The following HSDL2 variants were observed in gnomAD, a reference collection of about 807,000 sequenced individuals.
HSDL2 encodes hydroxysteroid dehydrogenase-like protein 2.
HSDL2 carries 27 observed loss-of-function variants against 46.3 expected under a neutral mutation model. That is an observed-to-expected ratio of 0.58 (90% CI 0.43 to 0.80). HSDL2 has a LOEUF of 0.80. HSDL2 is among the 30% of genes least tolerant of loss of function. The pLI, the probability that HSDL2 is intolerant of heterozygous loss-of-function variation, is 0.00. For missense variants in HSDL2, 451 were observed against 502.7 expected, an observed-to-expected ratio of 0.90 and a Z score of 0.98; for synonymous variants, 153 against 163.6, an observed-to-expected ratio of 0.94 and a Z score of 0.50.
Position 112,454,759 on chromosome 9 carries a change from G to A in HSDL2, c.1015+597G>A, listed in dbSNP as rs895839775. 7.9e-5 allele frequency among the ~76,000 whole-genome samples: 12 copies of A among 151,766 alleles called. No individual in the cohort carries two copies. The East Asian group carries it at 9.9e-4, about 12-fold the overall frequency. On this transcript the variant is annotated intron_variant, in intron 9 of 10. Transcript: ENST00000398805. ...CTCGCTTTGTTGCCCAGGCTGGAGT[G>A]CAGTGGTGGGATCTGGGCTCACTGC...
At chr9:112,421,431 A>T (rs1459146092) in intron 6 of HSDL2, among the ~76,000 whole-genome samples, 1 of 152,204 alleles carries the variant, frequency 6.6e-6, no homozygotes, top group African/African-American at 2.4e-5. Flanking sequence ...GAACCACCTT[A>T]GGAATCAATA....
At chr9:112,447,323 A>C (rs2132682158) in intron 8 of HSDL2, among the ~76,000 whole-genome samples, 1 of 152,200 alleles carries the variant, frequency 6.6e-6, no homozygotes, top group South Asian at 2.1e-4. Flanking sequence ...CTCTTGTGCA[A>C]ACTCATCATG....
rs565936665 is a variant in HSDL2, at chr9:112,385,594, A to G, written c.17+5414A>G. Among the ~76,000 whole-genome samples the G allele has an allele frequency of 2.2e-3, 50 of 22,264 alleles. No homozygotes were observed. In the East Asian group the frequency reaches 0.026, roughly 12 times the overall value. 14.6% of individuals were successfully genotyped at this position (22,264 alleles called of 152,430 possible). ...AGCCTCCACTTCCAGGGTTCAAGCA[A>G]TTCTGCTTCAGCCTCCCGAGTAGCT... On this transcript the variant is annotated intron_variant, in intron 1 of 10. Transcript: ENST00000398805.
At position 112,438,519 on chromosome 9, in the gene HSDL2, T is replaced by C; in HGVS notation, c.687T>C (p.Tyr229=). ...RKVDIIADAA[Y]SIFQKPKSFT... Reference sequence around the variant, plus strand: ...TTGATATCATTGCAGATGCAGCATATTCCATTTTCCAAAAGCCAAAAAGTT... The same window carrying C: ...TTGATATCATTGCAGATGCAGCATACTCCATTTTCCAAAAGCCAAAAAGTT... Residue 229 remains tyrosine (Y), a synonymous_variant, in exon 7 of 11, where the codon TAT becomes TAC. Coordinates refer to ENST00000398805, the MANE Select transcript of HSDL2 (RefSeq NM_032303.5). 6.2e-7 allele frequency: 1 copy of C among 1,613,002 alleles called. No individual in the cohort carries two copies. The highest frequency in any genetic ancestry group is 8.5e-7 in the Non-Finnish European group (1 of 1,179,474).
chr9:112,440,976 C>G (rs1297716441), intron 7 of HSDL2, among the ~76,000 whole-genome samples: 2 of 151,994 alleles, frequency 1.3e-5, no homozygotes, highest in Non-Finnish European at 2.9e-5. Context: ...CCACTGCACT[C>G]AAGCCTGGGT....
intron 1 of HSDL2, among the ~76,000 whole-genome samples, chr9:112,390,558 A>G (rs1312608602): frequency 7.9e-5 from 12 of 150,994 alleles, no homozygotes; most frequent in Non-Finnish European, 1.8e-4. Flanking sequence ...GGCTCAAGCA[A>G]TCCTTCACCT....
At chr9:112,464,950 C>G (rs1833333017) in intron 10 of HSDL2, among the ~76,000 whole-genome samples, 1 of 152,154 alleles carries the variant, frequency 6.6e-6, no homozygotes, top group Admixed American at 6.5e-5. Flanking sequence ...AACTTTCTAT[C>G]TCTATGGTTT....
intron 4 of HSDL2, among the ~76,000 whole-genome samples, chr9:112,412,220 C>G (rs1411330772): frequency 6.6e-6 from 1 of 152,158 alleles, no homozygotes; most frequent in Non-Finnish European, 1.5e-5. Flanking sequence ...ATTCTGGTCC[C>G]AAGCTAAACT....
rs189546036 is a variant in HSDL2, at chr9:112,388,417, C to T, written c.17+8237C>T. Among the ~76,000 whole-genome samples the T allele has an allele frequency of 8.1e-3, 1,116 of 138,182 alleles. 13 individuals carry two copies. Among genetic ancestry groups the T allele is most frequent in the African/African-American group, 0.029 (1,061 of 36,506 alleles). The allele number at this position is 138,182 out of a possible 152,430, so 90.7% of individuals were successfully genotyped here. The stretch of plus-strand genomic sequence containing the variant: ...CAGAGGTTGTAGTGAGCCGAGATCG[C>T]GCCACTGCACTCCAGCCTGGGAGAC... On this transcript the variant is annotated intron_variant, in intron 1 of 10. Coordinates refer to ENST00000398805, the MANE Select transcript of HSDL2 (RefSeq NM_032303.5).
chr9:112,460,620 G>A (rs761137796), intron 10 of HSDL2, among the ~76,000 whole-genome samples: 2 of 152,076 alleles, frequency 1.3e-5, no homozygotes, highest in East Asian at 1.9e-4. Context: ...GTGCTGGTGC[G>A]CACCTGTAGT....
intron 4 of HSDL2, among the ~76,000 whole-genome samples, chr9:112,409,449 C>T (rs1395549972): frequency 2.0e-5 from 3 of 152,100 alleles, no homozygotes; most frequent in Non-Finnish European, 2.9e-5. Flanking sequence ...CCTTGGCCTC[C>T]CAAAGTGCTG....
intron 1 of HSDL2, among the ~76,000 whole-genome samples, chr9:112,399,226 T>C (rs1831532685): frequency 6.6e-6 from 1 of 152,162 alleles, no homozygotes; most frequent in African/African-American, 2.4e-5. Context: ...CACATATCGG[T>C]AGGACCGTGA....
chr9:112,413,610 T>G (rs922276816), intron 4 of HSDL2, among the ~76,000 whole-genome samples: 15 of 152,248 alleles, frequency 9.9e-5, no homozygotes, highest in African/African-American at 3.4e-4. Flanking sequence ...TATTATATAC[T>G]CTCCAGTATT....
chr9:112,467,381 T>C (rs182926112), intron 10 of HSDL2, among the ~76,000 whole-genome samples: 4 of 152,296 alleles, frequency 2.6e-5, no homozygotes, highest in African/African-American at 9.6e-5. Flanking sequence ...CAGAGAGCTG[T>C]TGGTGGTTGC....
Position 112,454,163 on chromosome 9 carries a change from G to A in HSDL2, c.1015+1G>A, listed in dbSNP as rs768876736. 2 of 1,606,766 alleles carry A rather than the reference G, an allele frequency of 1.2e-6. No homozygotes were observed. The highest frequency in any genetic ancestry group is 2.2e-5 in the South Asian group (2 of 89,466). The stretch of plus-strand genomic sequence containing the variant: ...GCAATCTATCTGTTTGAACTCTCCG[G>A]TAAGGACTGCATCTGGTAATCTGAA... On this transcript the variant is annotated splice_donor_variant, in intron 9 of 10. Transcript: ENST00000398805. LOFTEE classifies it high-confidence loss of function.
intron 1 of HSDL2, among the ~76,000 whole-genome samples, chr9:112,403,776 C>G (rs1286160114): frequency 1.3e-5 from 2 of 152,146 alleles, no homozygotes; most frequent in Non-Finnish European, 2.9e-5. Flanking sequence ...TGCTAAATCA[C>G]AGCAAGACTG....
chr9:112,410,252 T>G (rs143705263), intron 4 of HSDL2, among the ~76,000 whole-genome samples: 64 of 152,342 alleles, frequency 4.2e-4, no homozygotes, highest in Non-Finnish European at 6.0e-4. Flanking sequence ...GTTCTATATT[T>G]TCCATGTGGA....
intron 8 of HSDL2, among the ~76,000 whole-genome samples, chr9:112,442,209 C>A (rs1464899866): frequency 7.6e-6 from 1 of 131,680 alleles, no homozygotes; most frequent in Non-Finnish European, 1.5e-5. Context: ...GTTGAAGTTT[C>A]AGTGAGCCGT....
At chr9:112,442,246 G>A (rs1386818705) in intron 8 of HSDL2, among the ~76,000 whole-genome samples, 5 of 140,280 alleles carry the variant, frequency 3.6e-5, no homozygotes, top group Non-Finnish European at 7.6e-5. Context: ...TCTAGCCTGG[G>A]TGACAGAGCA....
Sources: allele counts gnomAD v4.1 joint callset (sites outside exome capture counted in the v4.1 genomes callset), GRCh38; gene constraint gnomAD v4.1.1; transcripts MANE v1.5; gene names NCBI Gene and HGNC (gene_info 2026-07-23, HGNC 2026-07-21).